The following LRRC4C variants were observed in gnomAD, a reference collection of about 807,000 sequenced individuals.
LRRC4C encodes the protein leucine-rich repeat-containing protein 4C.
In LRRC4C, 5 loss-of-function variants were observed where a neutral mutation model predicts 33.6. That is an observed-to-expected ratio of 0.15 (90% confidence interval 0.08 to 0.31). The LOEUF is 0.31. Among genes scored for constraint, LRRC4C ranks in the 10% least tolerant of loss-of-function variants. LRRC4C has a pLI of 1.00. For missense variants in LRRC4C, 560 were observed against 796.7 expected (o/e 0.70, Z 3.58); for synonymous variants, 329 against 302.0 (o/e 1.09, Z -0.93).
chr11:40,121,725 A>T (rs1287608117), intron 6 of LRRC4C, among the ~76,000 whole-genome samples: 2 of 152,218 alleles, frequency 1.3e-5, no homozygotes, highest in Non-Finnish European at 2.9e-5. Context: ...TATATGTGAA[A>T]GAGTTAGCTA....
intron 1 of LRRC4C, among the ~76,000 whole-genome samples, chr11:41,226,676 G>A (rs1338478251): frequency 6.7e-6 from 1 of 150,176 alleles, no homozygotes; most frequent in East Asian, 2.0e-4. Flanking sequence ...CTTTGTTCCT[G>A]TATTTTCACC....
At chr11:40,474,652 C>A (rs1474503267) in intron 3 of LRRC4C, among the ~76,000 whole-genome samples, 1 of 152,098 alleles carries the variant, frequency 6.6e-6, no homozygotes, top group Non-Finnish European at 1.5e-5. Flanking sequence ...AGGCAACCTA[C>A]AGAATGGGAG....
At chr11:41,204,846 A>G (rs1380279894) in intron 1 of LRRC4C, among the ~76,000 whole-genome samples, 1 of 152,190 alleles carries the variant, frequency 6.6e-6, no homozygotes. Context: ...GAAGCAATAC[A>G]CAAGTAACCA....
At chr11:40,881,956 C>G (rs1198975875) in intron 2 of LRRC4C, among the ~76,000 whole-genome samples, 1 of 152,046 alleles carries the variant, frequency 6.6e-6, no homozygotes, top group Non-Finnish European at 1.5e-5. Flanking sequence ...TTACTTCTTC[C>G]ATTTTTGCTT....
chr11:40,582,800 A>G (rs1958532346), intron 3 of LRRC4C, among the ~76,000 whole-genome samples: 1 of 150,912 alleles, frequency 6.6e-6, no homozygotes, highest in African/African-American at 2.4e-5. Context: ...TACAGGCGTG[A>G]GCCCCCACGC....
At chr11:41,366,664 G>A (rs1049990686) in intron 1 of LRRC4C, among the ~76,000 whole-genome samples, 2 of 152,026 alleles carry the variant, frequency 1.3e-5, no homozygotes, top group African/African-American at 2.4e-5. Context: ...AGTAGATAAG[G>A]TCTTTAAGGA....
intron 1 of LRRC4C, among the ~76,000 whole-genome samples, chr11:41,154,327 A>G (rs1944131243): frequency 6.6e-6 from 1 of 152,142 alleles, no homozygotes; most frequent in Non-Finnish European, 1.5e-5. Flanking sequence ...TGGTCCTCAT[A>G]TAATTGCTTA....
At chr11:40,706,661 TC>T (rs1363980314) in intron 2 of LRRC4C, among the ~76,000 whole-genome samples, 1 of 152,202 alleles carries the variant, frequency 6.6e-6, no homozygotes, top group African/African-American at 2.4e-5. Context: ...CCAGCTTTGT[TC>T]TTTTGGCTTA....
intron 1 of LRRC4C, among the ~76,000 whole-genome samples, chr11:41,153,205 G>GA (rs560899354): frequency 3.2e-4 from 49 of 152,124 alleles, no homozygotes; most frequent in African/African-American, 1.1e-3. Flanking sequence ...TCATTTCCAT[G>GA]AAAAAAATTA....
In LRRC4C at chr11:40,468,544, C is replaced by A. The variant is rs991635561; in HGVS notation, c.-269-148823G>T. 1.1e-4 allele frequency among the ~76,000 whole-genome samples: 16 copies of A among 147,644 alleles called. 1 individual carries two copies. The highest frequency in any genetic ancestry group is 7.7e-4 in the East Asian group (4 of 5,170). On this transcript the variant is annotated intron_variant, in intron 3 of 6. Coordinates refer to ENST00000528697, the MANE Select transcript of LRRC4C (RefSeq NM_001258419.2). ...TTGATCAAACAACTGGGCTTATAGC[C>A]TAGCTAGGTTGACTTAAAATTAACC...
At chr11:41,224,797 G>A (rs771826826) in intron 1 of LRRC4C, among the ~76,000 whole-genome samples, 8 of 152,150 alleles carry the variant, frequency 5.3e-5, no homozygotes, top group Non-Finnish European at 1.0e-4. Context: ...CTTGTATGGT[G>A]TACATGATGT....
chr11:40,454,666 C>T (rs879936222), intron 3 of LRRC4C, among the ~76,000 whole-genome samples: 5 of 152,100 alleles, frequency 3.3e-5, no homozygotes, highest in Non-Finnish European at 7.4e-5. Context: ...TGTTAAAATA[C>T]CTATGCCTTC....
intron 2 of LRRC4C, among the ~76,000 whole-genome samples, chr11:40,853,719 G>A (rs1953625328): frequency 6.6e-6 from 1 of 152,084 alleles, no homozygotes; most frequent in Non-Finnish European, 1.5e-5. Flanking sequence ...TTGTCTTCTT[G>A]GCAATGATTA....
At chr11:40,223,828 C>A (rs915516729) in intron 5 of LRRC4C, among the ~76,000 whole-genome samples, 1 of 152,166 alleles carries the variant, frequency 6.6e-6, no homozygotes, top group Non-Finnish European at 1.5e-5. Flanking sequence ...TATACTTTTG[C>A]AGAACTAATT....
intron 4 of LRRC4C, among the ~76,000 whole-genome samples, chr11:40,263,152 A>G (rs1941990401): frequency 6.6e-6 from 1 of 152,218 alleles, no homozygotes; most frequent in Non-Finnish European, 1.5e-5. Flanking sequence ...CCTAATTCTT[A>G]TAGTAGTGAT....
chr11:40,758,094 C>G (rs11820695), intron 2 of LRRC4C, among the ~76,000 whole-genome samples: 10,134 of 152,030 alleles, frequency 0.067, 554 homozygotes, highest in African/African-American at 0.15. Context: ...AAATGCAAGT[C>G]TAAGCTGAGA....
At chr11:40,591,764 A>G (rs1198425052) in intron 3 of LRRC4C, among the ~76,000 whole-genome samples, 1 of 152,234 alleles carries the variant, frequency 6.6e-6, no homozygotes, top group Non-Finnish European at 1.5e-5. Flanking sequence ...AGAAGCATAA[A>G]CAAAACTTAA....
intron 3 of LRRC4C, 76 bp from the exon 4 acceptor site, chr11:40,319,797 C>T (rs1945750137): frequency 6.6e-6 from 1 of 152,064 alleles, no homozygotes; most frequent in Non-Finnish European, 1.5e-5. Flanking sequence ...GTTAGACATC[C>T]CTGCCTGTTC....
In LRRC4C at chr11:40,442,721, T is replaced by C. The variant is rs184559641; in HGVS notation, c.-269-123000A>G. On this transcript the variant is annotated intron_variant, in intron 3 of 6. Coordinates refer to ENST00000528697, the MANE Select transcript of LRRC4C (RefSeq NM_001258419.2). ...ATAAGCTTTTAGCAGCAGAAAAAGC[T>C]TATTGAATTTCTATTCAGAACATTT... is the stretch of plus-strand genomic sequence containing the variant. Among the ~76,000 whole-genome samples the C allele has an allele frequency of 2.2e-3, 333 of 152,336 alleles. 3 individuals carry two copies. The highest frequency in any genetic ancestry group is 7.8e-3 in the African/African-American group (325 of 41,592).
Sources: allele counts gnomAD v4.1 joint callset (sites outside exome capture counted in the v4.1 genomes callset), GRCh38; gene constraint gnomAD v4.1.1; transcripts MANE v1.5; gene names NCBI Gene and HGNC (gene_info 2026-07-23, HGNC 2026-07-21).